Variants in SNX30 observed in about 807,000 individuals in gnomAD.
SNX30 encodes sorting nexin family member 30, also known as sorting nexin-30.
SNX30 carries 24 observed loss-of-function variants against 46.4 expected under a neutral mutation model. That is an observed-to-expected ratio of 0.52 (90% CI 0.37 to 0.73). The LOEUF (loss-of-function observed/expected upper bound fraction) is 0.73, where lower values mean the gene tolerates loss of function less well. Ranked by LOEUF, SNX30 falls within the 30% of genes least tolerant of loss-of-function variation. The probability of loss-of-function intolerance (pLI) is 0.00; values close to 1 mark genes in which losing one functional copy is unlikely to be tolerated. For missense variants in SNX30, 533 were observed against 555.7 expected (o/e 0.96, Z 0.41); for synonymous variants, 189 against 211.5 (o/e 0.89, Z 0.92).
intron 1 of SNX30, among the ~76,000 whole-genome samples, chr9:112,757,671 C>T (rs182611530): frequency 3.1e-4 from 47 of 152,286 alleles, no homozygotes; most frequent in African/African-American, 1.0e-3. Context: ...CTTGCTTTCC[C>T]GTCCTGGCTT....
intron 1 of SNX30, among the ~76,000 whole-genome samples, chr9:112,784,341 C>T (rs1839887262): frequency 6.6e-6 from 1 of 152,140 alleles, no homozygotes; most frequent in Non-Finnish European, 1.5e-5. Flanking sequence ...TAAAATGTGT[C>T]CATGATTGCA....
chr9:112,840,355 A>G (rs1249087104), intron 6 of SNX30, among the ~76,000 whole-genome samples: 1 of 152,252 alleles, frequency 6.6e-6, no homozygotes, highest in Non-Finnish European at 1.5e-5. Context: ...ATTGACTTTT[A>G]TTAAAAAAAA....
At chr9:112,844,663 T>C (rs549005178) in intron 6 of SNX30, among the ~76,000 whole-genome samples, 5 of 152,330 alleles carry the variant, frequency 3.3e-5, no homozygotes, top group African/African-American at 1.2e-4. Flanking sequence ...ATATATCTGT[T>C]GGATTTAATA....
rs377304824 is a variant in SNX30, at chr9:112,834,723, G to A, written c.619-1491G>A. ...TGGGGCAGGTGAAAGGAGGGCAGGG[G>A]AAGGACAGAGAGATTCTGTTTCCTG... On this transcript the variant is annotated intron_variant, in intron 4 of 8. Coordinates refer to ENST00000374232, the MANE Select transcript of SNX30 (RefSeq NM_001012994.2). 6.4e-4 allele frequency among the ~76,000 whole-genome samples: 97 copies of A among 152,254 alleles called. 1 individual carries two copies. The South Asian group carries it at 0.011, about 18-fold the overall frequency.
chr9:112,764,379 T>C (rs956862351), intron 1 of SNX30, among the ~76,000 whole-genome samples: 1 of 152,070 alleles, frequency 6.6e-6, no homozygotes, highest in African/African-American at 2.4e-5. Flanking sequence ...TCGTCGTTGT[T>C]GTTGTTGCTG....
intron 6 of SNX30, among the ~76,000 whole-genome samples, chr9:112,840,313 C>T (rs1162740129): frequency 6.6e-6 from 1 of 152,192 alleles, no homozygotes; most frequent in Non-Finnish European, 1.5e-5. Flanking sequence ...AAACTTCTGG[C>T]TGTGAATTTG....
At chr9:112,775,581 T>A (rs2131369699) in intron 1 of SNX30, among the ~76,000 whole-genome samples, 1 of 148,114 alleles carries the variant, frequency 6.8e-6, no homozygotes, top group African/African-American at 2.6e-5. Flanking sequence ...TGTGTGTGTG[T>A]GTGTGTAGGC....
rs1841490885 is a variant in SNX30 at position 112,874,399 on chromosome 9, A to G, written c.*5556A>G. ...CATCTGATATATTCCTGTGAAATAA[A>G]CTGCCAGCAAACTTTCTAACTTGTA... is the stretch of plus-strand genomic sequence containing the variant. On this transcript the variant is annotated 3_prime_UTR_variant, in exon 9 of 9. Coordinates refer to ENST00000374232, the MANE Select transcript of SNX30 (RefSeq NM_001012994.2). 1 of 152,244 alleles carries G rather than the reference A, an allele frequency of 6.6e-6. No individual in the cohort carries two copies. The highest frequency in any genetic ancestry group is 1.5e-5 in the Non-Finnish European group (1 of 68,038). The allele number at this position is 152,244 out of a possible 1,614,324, so 9.4% of individuals were successfully genotyped here. A position where few individuals can be genotyped will look rare whatever the true frequency, so the allele number is the denominator to read the frequency against.
intron 1 of SNX30, among the ~76,000 whole-genome samples, chr9:112,776,427 C>T (rs192892407): frequency 2.6e-5 from 4 of 152,170 alleles, no homozygotes; most frequent in Non-Finnish European, 5.9e-5. Context: ...TTTGGACCTC[C>T]TCTGACTGTG....
chr9:112,827,269 A>G (rs1410023108), intron 3 of SNX30, among the ~76,000 whole-genome samples: 2 of 152,236 alleles, frequency 1.3e-5, no homozygotes, highest in African/African-American at 2.4e-5. Context: ...CACTTTCAGC[A>G]TATTAGCTAA....
chr9:112,828,941 A>C (rs756670319), intron 3 of SNX30, among the ~76,000 whole-genome samples: 1 of 152,072 alleles, frequency 6.6e-6, no homozygotes, highest in Non-Finnish European at 1.5e-5. Flanking sequence ...GCCCCTGGCA[A>C]CCACCATCTA....
chr9:112,838,073 A>G (rs1840792498), intron 5 of SNX30, among the ~76,000 whole-genome samples: 1 of 150,098 alleles, frequency 6.7e-6, no homozygotes, highest in Non-Finnish European at 1.5e-5. Context: ...TTGTATTTTT[A>G]GTAGAAACGG....
intron 1 of SNX30, among the ~76,000 whole-genome samples, chr9:112,763,075 T>C (rs111908109): frequency 2.0e-5 from 3 of 152,150 alleles, no homozygotes; most frequent in African/African-American, 7.2e-5. Flanking sequence ...CAGATGCTGG[T>C]AGGTGGAAGT....
At chr9:112,830,964 C>T (rs977459533) in intron 4 of SNX30, 81 bp downstream of exon 4, 28 of 1,391,126 alleles carry the variant, frequency 2.0e-5, no homozygotes, top group Non-Finnish European at 2.4e-5. Context: ...GAGCAGGACT[C>T]GGTCTCTACA....
chr9:112,852,446 A>T (rs1199227040), intron 7 of SNX30, among the ~76,000 whole-genome samples: 1 of 152,182 alleles, frequency 6.6e-6, no homozygotes, highest in Admixed American at 6.5e-5. Context: ...AGGGACTTGA[A>T]CATTCACAGA....
At chr9:112,786,268 C>T (rs1041308720) in intron 1 of SNX30, among the ~76,000 whole-genome samples, 2 of 152,046 alleles carry the variant, frequency 1.3e-5, no homozygotes, top group Non-Finnish European at 2.9e-5. Flanking sequence ...TAGCCGTGCA[C>T]CATCACGCTC....
At chr9:112,832,784 A>C (rs996218708) in intron 4 of SNX30, among the ~76,000 whole-genome samples, 1 of 147,634 alleles carries the variant, frequency 6.8e-6, no homozygotes, top group South Asian at 2.1e-4. Flanking sequence ...AATAATAAAA[A>C]ATTTAAAAAA....
intron 4 of SNX30, among the ~76,000 whole-genome samples, chr9:112,832,884 A>C (rs944850618): frequency 2.0e-5 from 3 of 148,190 alleles, no homozygotes; most frequent in African/African-American, 7.4e-5. Context: ...AAATATCTAT[A>C]TATATAAGGT....
downstream of SNX30, chr9:112,877,256 C>T (rs1321750463): frequency 1.3e-5 from 2 of 152,182 alleles, no homozygotes; most frequent in Admixed American, 6.5e-5. Flanking sequence ...AATACTTGGG[C>T]TTTGAGAGCT....
Sources: allele counts gnomAD v4.1 joint callset (sites outside exome capture counted in the v4.1 genomes callset), GRCh38; gene constraint gnomAD v4.1.1; transcripts MANE v1.5; gene names NCBI Gene and HGNC (gene_info 2026-07-23, HGNC 2026-07-21).